Variants in ERO1A observed in about 807,000 individuals in gnomAD.
ERO1A encodes endoplasmic reticulum oxidoreductase 1 alpha.
Under a neutral mutation model 76.9 loss-of-function variants are expected in ERO1A, and 49 were observed. That is an observed-to-expected ratio of 0.64 (90% CI 0.51 to 0.81). The LOEUF is 0.81. Ranked by LOEUF, ERO1A falls within the 30% of genes least tolerant of loss-of-function variation. The pLI, the probability that ERO1A is intolerant of heterozygous loss-of-function variation, is 0.00. For missense variants in ERO1A, 448 were observed against 542.1 expected, an observed-to-expected ratio of 0.83 and a Z score of 1.72; for synonymous variants, 174 against 181.2, an observed-to-expected ratio of 0.96 and a Z score of 0.32.
chr14:52,659,848 AG>A (rs2040174472), intron 9 of ERO1A, among the ~76,000 whole-genome samples: 1 of 150,320 alleles, frequency 6.7e-6, no homozygotes, highest in African/African-American at 2.4e-5. Context: ...AAAAAAAAAA[AG>A]AAAAAAGACA....
intron 1 of ERO1A, among the ~76,000 whole-genome samples, chr14:52,687,503 C>T (rs74051025): frequency 0.022 from 3,280 of 152,188 alleles, 108 homozygotes; most frequent in African/African-American, 0.073. Context: ...GAACAGGATC[C>T]GGGAAACAAA....
intron 1 of ERO1A, among the ~76,000 whole-genome samples, chr14:52,691,420 C>T (rs1376572776): frequency 6.6e-6 from 1 of 152,206 alleles, no homozygotes; most frequent in Non-Finnish European, 1.5e-5. Flanking sequence ...ACAGTTTATT[C>T]AGAAAAGCCT....
chr14:52,686,985 A>G (rs1222162906), intron 1 of ERO1A, among the ~76,000 whole-genome samples: 1 of 152,162 alleles, frequency 6.6e-6, no homozygotes, highest in African/African-American at 2.4e-5. Context: ...CAGGAGTTTC[A>G]ATGGATGAAG....
At chr14:52,694,839 G>T (rs1594839770) in intron 1 of ERO1A, among the ~76,000 whole-genome samples, 2 of 152,154 alleles carry the variant, frequency 1.3e-5, no homozygotes, top group African/African-American at 4.8e-5. Flanking sequence ...GAGGGCAACT[G>T]CAGTCCCAAA....
intron 1 of ERO1A, among the ~76,000 whole-genome samples, chr14:52,693,092 GT>G (rs1566649612): frequency 8.1e-6 from 1 of 122,808 alleles, no homozygotes; most frequent in African/African-American, 3.1e-5. Context: ...TGTTAAAACT[GT>G]TTTTTTAACT....
At chr14:52,654,763 T>C (rs1430300848) in intron 11 of ERO1A, among the ~76,000 whole-genome samples, 1 of 152,208 alleles carries the variant, frequency 6.6e-6, no homozygotes. Context: ...TAGTTATCTT[T>C]AGTTTTGTTT....
chr14:52,670,659 C>T (rs780182486), intron 6 of ERO1A, among the ~76,000 whole-genome samples: 12 of 152,310 alleles, frequency 7.9e-5, no homozygotes, highest in Non-Finnish European at 1.6e-4. Context: ...AAAAGCAACA[C>T]GGACCATCAT....
chr14:52,645,405 C>T (rs1187096606), intron 15 of ERO1A, among the ~76,000 whole-genome samples: 2 of 149,426 alleles, frequency 1.3e-5, no homozygotes, highest in Non-Finnish European at 3.0e-5. Context: ...CGGGTTCAAG[C>T]GATTCTTCTG....
At chr14:52,666,672 T>C (rs2040422072) in intron 6 of ERO1A, among the ~76,000 whole-genome samples, 177 bp from the exon 7 acceptor site, 1 of 152,222 alleles carries the variant, frequency 6.6e-6, no homozygotes, top group Non-Finnish European at 1.5e-5. Flanking sequence ...GCCTCACACC[T>C]GTAATCCCAG....
chr14:52,691,320 C>T (rs2041347261), intron 1 of ERO1A, among the ~76,000 whole-genome samples: 1 of 152,178 alleles, frequency 6.6e-6, no homozygotes, highest in Non-Finnish European at 1.5e-5. Context: ...ACCTAGAACG[C>T]TACAGGTCAT....
At chr14:52,657,264 GAC>G (rs1396877171) in intron 11 of ERO1A, among the ~76,000 whole-genome samples, 2 of 152,202 alleles carry the variant, frequency 1.3e-5, no homozygotes, top group Non-Finnish European at 2.9e-5. Flanking sequence ...CTGCCTATGG[GAC>G]AGCTCTCCTT....
intron 1 of ERO1A, among the ~76,000 whole-genome samples, chr14:52,689,220 C>G (rs543977444): frequency 6.6e-6 from 1 of 152,222 alleles, no homozygotes; most frequent in Non-Finnish European, 1.5e-5. Flanking sequence ...TCCCAGAGTG[C>G]TGGGATTACA....
At chr14:52,682,181 C>A in intron 3 of ERO1A, 144 bp downstream of exon 3, 1 of 594,062 alleles carries the variant, frequency 1.7e-6, no homozygotes, top group Non-Finnish European at 2.9e-6. Context: ...ATTGTTTGAG[C>A]CCAGAAATTC....
chr14:52,652,862 G>A (rs1385273585), intron 12 of ERO1A, among the ~76,000 whole-genome samples: 1 of 152,004 alleles, frequency 6.6e-6, no homozygotes, highest in Non-Finnish European at 1.5e-5. Context: ...GCCCGGTGTG[G>A]TGGTTTGCAC....
In ERO1A at chr14:52,694,120, C is replaced by T. The variant is rs559474355; in HGVS notation, c.114+1248G>A. Among the ~76,000 whole-genome samples, 185 of 151,888 alleles carry T rather than the reference C, an allele frequency of 1.2e-3. 1 individual carries two copies. The highest frequency in any genetic ancestry group is 4.2e-3 in the African/African-American group (173 of 41,402). On this transcript the variant is annotated intron_variant, in intron 1 of 15. Transcript: ENST00000395686. Reference sequence around the variant, plus strand: ...AAATGTTACATTGGACATCTTCTTTCCGTAAAGAATATTTTATTTTAAAGT... The same window carrying T: ...AAATGTTACATTGGACATCTTCTTTTCGTAAAGAATATTTTATTTTAAAGT...
chr14:52,661,025 C>T (rs188836738), intron 9 of ERO1A, among the ~76,000 whole-genome samples: 11 of 152,182 alleles, frequency 7.2e-5, no homozygotes, highest in Non-Finnish European at 8.8e-5. Context: ...ATGGGGGAGA[C>T]GGGGAGTGGA....
intron 13 of ERO1A, among the ~76,000 whole-genome samples, chr14:52,650,876 G>A (rs2039838483): frequency 1.3e-5 from 2 of 152,286 alleles, no homozygotes; most frequent in South Asian, 4.1e-4. Flanking sequence ...ACCCTATTAA[G>A]AGGCAAGGCA....
chr14:52,658,240 G>A lies in ERO1A; in HGVS notation c.689-90C>T, dbSNP rs181444394. ...TTTTAAAGCATTATAGCAAATTTGT[G>A]CCAAACAACAATGTAAAGATTATTT... is the stretch of plus-strand genomic sequence containing the variant. On this transcript the variant is annotated intron_variant, in intron 9 of 15. Coordinates refer to ENST00000395686, the MANE Select transcript of ERO1A (RefSeq NM_014584.3). 5.7e-6 allele frequency: 5 copies of A among 872,062 alleles called. No individual in the cohort carries two copies. The East Asian group carries it at 9.9e-5, about 17-fold the overall frequency. 54.0% of individuals were successfully genotyped at this position (872,062 alleles called of 1,614,324 possible). A position where few individuals can be genotyped will look rare whatever the true frequency, so the allele number is the denominator to read the frequency against.
intron 15 of ERO1A, among the ~76,000 whole-genome samples, chr14:52,644,160 A>G (rs1342615017): frequency 1.3e-5 from 2 of 152,140 alleles, no homozygotes; most frequent in Admixed American, 6.5e-5. Flanking sequence ...AATTCTTTTA[A>G]ATAAATAAAA....
Sources: allele counts gnomAD v4.1 joint callset (sites outside exome capture counted in the v4.1 genomes callset), GRCh38; gene constraint gnomAD v4.1.1; transcripts MANE v1.5; gene names NCBI Gene and HGNC (gene_info 2026-07-23, HGNC 2026-07-21).